CDKAL1: variants seen among roughly 807,000 people sequenced by gnomAD.
The protein encoded by CDKAL1 is threonylcarbamoyladenosine tRNA methylthiotransferase.
Under a neutral mutation model 68.2 loss-of-function variants are expected in CDKAL1, and 32 were observed. The observed-to-expected ratio is 0.47, with a 90% confidence interval of 0.35 to 0.63. CDKAL1 has a LOEUF of 0.63. Ranked by LOEUF, CDKAL1 falls within the 30% of genes least tolerant of loss-of-function variation. The pLI is 0.00. For synonymous variants in CDKAL1, 234 were observed against 244.3 expected, an observed-to-expected ratio of 0.96 and a Z score of 0.39; for missense variants, 606 against 696.7, an observed-to-expected ratio of 0.87 and a Z score of 1.47.
chr6:20,543,841 A>G (rs1763482773), intron 2 of CDKAL1, among the ~76,000 whole-genome samples: 3 of 149,966 alleles, frequency 2.0e-5, no homozygotes, highest in Admixed American at 6.7e-5. Flanking sequence ...GGTTCAAGCA[A>G]TTCTCCTGCC....
chr6:20,810,562 A>T (rs1776765076), intron 8 of CDKAL1, among the ~76,000 whole-genome samples: 1 of 151,156 alleles, frequency 6.6e-6, no homozygotes, highest in South Asian at 2.1e-4. Flanking sequence ...ATTCCACTGC[A>T]GTCTAACCTG....
intron 5 of CDKAL1, among the ~76,000 whole-genome samples, chr6:20,676,120 T>A (rs1043872019): frequency 2.6e-5 from 4 of 152,218 alleles, no homozygotes; most frequent in African/African-American, 4.8e-5. Flanking sequence ...TTTAAGGTAA[T>A]CGTTATTATG....
intron 9 of CDKAL1, among the ~76,000 whole-genome samples, chr6:20,932,063 T>C (rs1240009193): frequency 6.6e-6 from 1 of 152,224 alleles, no homozygotes; most frequent in Non-Finnish European, 1.5e-5. Context: ...GGTAAATCTA[T>C]ATATCATGGT....
At chr6:20,964,849 T>G (rs1765225606) in intron 10 of CDKAL1, among the ~76,000 whole-genome samples, 1 of 152,164 alleles carries the variant, frequency 6.6e-6, no homozygotes, top group South Asian at 2.1e-4. Flanking sequence ...CATCATTTTT[T>G]CCCTCTTGCC....
intron 12 of CDKAL1, among the ~76,000 whole-genome samples, chr6:21,091,955 C>T (rs1237157391): frequency 2.8e-5 from 4 of 144,206 alleles, no homozygotes; most frequent in Admixed American, 1.4e-4. Context: ...GGCGTGATCT[C>T]GGCTCACTGC....
At chr6:20,607,793 C>G (rs1480076904) in intron 4 of CDKAL1, among the ~76,000 whole-genome samples, 2 of 152,020 alleles carry the variant, frequency 1.3e-5, no homozygotes, top group African/African-American at 4.8e-5. Flanking sequence ...CTCCCAGGTT[C>G]AAGCAATTCT....
intron 5 of CDKAL1, among the ~76,000 whole-genome samples, chr6:20,709,061 G>T (rs148574241): frequency 0.01 from 1,549 of 152,052 alleles, 12 homozygotes; most frequent in South Asian, 0.014. Flanking sequence ...AAGGGCAGGG[G>T]TTCTCTTTTT....
At chr6:21,196,678 T>C (rs934954611) in intron 13 of CDKAL1, among the ~76,000 whole-genome samples, 2 of 152,212 alleles carry the variant, frequency 1.3e-5, no homozygotes, top group African/African-American at 4.8e-5. Context: ...GTTTCCTTCA[T>C]GGTAACCGCC....
At chr6:21,169,296 G>A (rs1291222493) in intron 13 of CDKAL1, among the ~76,000 whole-genome samples, 2 of 152,184 alleles carry the variant, frequency 1.3e-5, no homozygotes, top group Non-Finnish European at 2.9e-5. Context: ...ATAACCCTTG[G>A]TGGGTTCATC....
At chr6:21,147,442 C>G (rs186938460) in intron 13 of CDKAL1, among the ~76,000 whole-genome samples, 1 of 152,244 alleles carries the variant, frequency 6.6e-6, no homozygotes, top group East Asian at 1.9e-4. Context: ...GGAGATCAGA[C>G]CATCACACAA....
chr6:20,701,956 C>T (rs1178224762), intron 5 of CDKAL1, among the ~76,000 whole-genome samples: 3 of 152,048 alleles, frequency 2.0e-5, no homozygotes, highest in East Asian at 3.9e-4. Context: ...GCTGTGATGC[C>T]GTGGTGGGAG....
intron 8 of CDKAL1, among the ~76,000 whole-genome samples, chr6:20,819,115 G>T (rs571347023): frequency 5.9e-4 from 90 of 151,946 alleles, no homozygotes; most frequent in Middle Eastern, 6.8e-3. Flanking sequence ...GGTATTTTTG[G>T]TTTTTTTCCC....
chr6:20,625,274 A>AT (rs1312698905), intron 4 of CDKAL1, among the ~76,000 whole-genome samples: 12 of 152,170 alleles, frequency 7.9e-5, no homozygotes, highest in African/African-American at 2.9e-4. Context: ...AAACTCTTAA[A>AT]TTTTTTACCT....
chr6:20,945,712 TAAGAA>T (rs1764204477), intron 9 of CDKAL1, among the ~76,000 whole-genome samples: 1 of 152,258 alleles, frequency 6.6e-6, no homozygotes, highest in Non-Finnish European at 1.5e-5. Flanking sequence ...TGGAAAGAAA[TAAGAA>T]AAGAAAAGAA....
At chr6:21,077,989 A>G (rs1772167503) in intron 12 of CDKAL1, among the ~76,000 whole-genome samples, 1 of 152,154 alleles carries the variant, frequency 6.6e-6, no homozygotes, top group Admixed American at 6.5e-5. Context: ...TCTGAAGGTC[A>G]AGGAAGGGAC....
chr6:20,994,991 GT>G (rs1032361745), intron 10 of CDKAL1, among the ~76,000 whole-genome samples: 1 of 152,164 alleles, frequency 6.6e-6, no homozygotes. Context: ...TAAATACTTT[GT>G]TGTCATTTCA....
At chr6:20,612,034 A>G (rs559697279) in intron 4 of CDKAL1, among the ~76,000 whole-genome samples, 1 of 152,312 alleles carries the variant, frequency 6.6e-6, no homozygotes, top group East Asian at 1.9e-4. Flanking sequence ...TATTTCACTT[A>G]ATGTAATGAT....
intron 11 of CDKAL1, among the ~76,000 whole-genome samples, chr6:21,050,942 T>C (rs1329532049): frequency 1.3e-5 from 2 of 152,240 alleles, no homozygotes; most frequent in Non-Finnish European, 2.9e-5. Context: ...ATAAGTCTAC[T>C]GTGAAAAAGA....
chr6:20,809,191 C>G (rs981246848), intron 8 of CDKAL1, among the ~76,000 whole-genome samples: 3 of 152,154 alleles, frequency 2.0e-5, no homozygotes, highest in African/African-American at 7.2e-5. Flanking sequence ...TCAGTATTTC[C>G]TAATTAAGAC....
Sources: gnomAD v4.1 joint callset for allele counts (sites outside exome capture counted in the v4.1 genomes callset) on GRCh38, gnomAD v4.1.1 for gene constraint, MANE v1.5 for transcripts, NCBI Gene and HGNC (gene_info 2026-07-23, HGNC 2026-07-21) for gene names.